The following RASSF6 variants were observed in gnomAD, a reference collection of about 807,000 sequenced individuals.
RASSF6 encodes ras association domain-containing protein 6.
Under a neutral mutation model 44.0 loss-of-function variants are expected in RASSF6, and 52 were observed. The ratio of observed to expected loss-of-function variants is 1.18; its 90% CI spans 0.95 to 1.49. The LOEUF (loss-of-function observed/expected upper bound fraction) is 1.49. Ranked by LOEUF, RASSF6 falls within the 40% of genes most tolerant of loss-of-function variation. The probability of loss-of-function intolerance (pLI) is 0.00; values close to 1 mark genes in which losing one functional copy is unlikely to be tolerated. For synonymous variants in RASSF6, 162 were observed against 124.6 expected, an observed-to-expected ratio of 1.30 and a Z score of -2.00; for missense variants, 464 against 393.3, an observed-to-expected ratio of 1.18 and a Z score of -1.52.
rs146611074 is a variant in RASSF6 at position 73,572,257 on chromosome 4, A to T, written c.*3978T>A. 1 of 152,202 alleles carries T rather than the reference A, an allele frequency of 6.6e-6. No individual in the cohort carries two copies. Among genetic ancestry groups the T allele is most frequent in the Admixed American group, 6.5e-5 (1 of 15,280 alleles). 9.4% of individuals were successfully genotyped at this position (152,202 alleles called of 1,614,324 possible). On this transcript the variant is annotated 3_prime_UTR_variant, in exon 11 of 11. Coordinates refer to ENST00000307439, the MANE Select transcript of RASSF6 (RefSeq NM_177532.5). ...TTTCCAGGGCTGCTCAGGACATGGC[A>T]GTTGACTTCCCCCAGAGCAAGTGGT...
In RASSF6 at chr4:73,587,824, A is replaced by G; in HGVS notation, c.382+16T>C. 1 of 1,539,368 alleles carries G rather than the reference A, an allele frequency of 6.5e-7. No individual in the cohort carries two copies. Among genetic ancestry groups the G allele is most frequent in the Non-Finnish European group, 9.0e-7 (1 of 1,113,752 alleles). ...TAAAAATTAAGTCTCCCAATCAATA[A>G]GATTTTGATACTGACCTTCCTGGGA... On this transcript the variant is annotated intron_variant, in intron 5 of 10. Coordinates refer to ENST00000307439, the MANE Select transcript of RASSF6 (RefSeq NM_177532.5).
chr4:73,576,543 G>A, intron 9 of RASSF6, 36 bp from the exon 10 acceptor site: 2 of 1,551,356 alleles, frequency 1.3e-6, no homozygotes, highest in Non-Finnish European at 1.8e-6. Flanking sequence ...AAAGAAAGCA[G>A]AACAATTATG....
chr4:73,585,789 A>G (rs1201142841), intron 5 of RASSF6, among the ~76,000 whole-genome samples: 2 of 151,970 alleles, frequency 1.3e-5, no homozygotes, highest in African/African-American at 4.8e-5. Flanking sequence ...TAGTACTCAT[A>G]AATGATAGAA....
chr4:73,592,266 TCAAG>T (rs1724613253), intron 4 of RASSF6, among the ~76,000 whole-genome samples: 1 of 152,208 alleles, frequency 6.6e-6, no homozygotes, highest in Non-Finnish European at 1.5e-5. Flanking sequence ...CAGACTTCTG[TCAAG>T]GTGATAATTA....
intron 3 of RASSF6, among the ~76,000 whole-genome samples, chr4:73,597,841 C>T (rs544290120): frequency 2.0e-4 from 31 of 152,126 alleles, no homozygotes; most frequent in Admixed American, 2.6e-4. Flanking sequence ...TAGAGGCCAT[C>T]ATTCTTAGCA....
intron 4 of RASSF6, among the ~76,000 whole-genome samples, chr4:73,593,088 T>C (rs979086323): frequency 6.6e-6 from 1 of 150,750 alleles, no homozygotes; most frequent in Non-Finnish European, 1.5e-5. Flanking sequence ...CAATCTCGGC[T>C]CACTGCAAAC....
At chr4:73,610,764 A>G (rs1204539446) in intron 2 of RASSF6, among the ~76,000 whole-genome samples, 1 of 152,008 alleles carries the variant, frequency 6.6e-6, no homozygotes, top group Non-Finnish European at 1.5e-5. Flanking sequence ...TCTTTACTCC[A>G]TTTCCTCAGC....
Position 73,579,935 on chromosome 4 carries a change from A to G in RASSF6, c.721+1882T>C, listed in dbSNP as rs1415437730. On this transcript the variant is annotated intron_variant, in intron 8 of 10. Coordinates refer to ENST00000307439, the MANE Select transcript of RASSF6 (RefSeq NM_177532.5). The stretch of plus-strand genomic sequence containing the variant: ...TGTGCACAATGTGCAGGTTAGTTAC[A>G]TATCTATACATGTGCCATGCTGGTG... Among the ~76,000 whole-genome samples, 3 of 151,544 alleles carry G rather than the reference A, an allele frequency of 2.0e-5. 1 individual carries two copies. Among genetic ancestry groups the G allele is most frequent in the Non-Finnish European group, 1.5e-5 (1 of 67,894 alleles).
chr4:73,610,615 C>T (rs1405199128), intron 2 of RASSF6, among the ~76,000 whole-genome samples: 1 of 152,178 alleles, frequency 6.6e-6, no homozygotes. Flanking sequence ...TTGCCATTCC[C>T]CTTGCCTGGA....
At chr4:73,591,822 C>A (rs780907125) in intron 4 of RASSF6, among the ~76,000 whole-genome samples, 31 of 152,048 alleles carry the variant, frequency 2.0e-4, no homozygotes, top group Non-Finnish European at 4.1e-4. Flanking sequence ...GTTTGAATCT[C>A]CTCTTTGTGC....
intron 8 of RASSF6, among the ~76,000 whole-genome samples, chr4:73,579,477 G>A (rs116722831): frequency 0.01 from 1,554 of 152,326 alleles, 22 homozygotes; most frequent in African/African-American, 0.036. Flanking sequence ...GCCAATCTGA[G>A]AAGTGCAAGA....
At chr4:73,603,777 G>A (rs1166996644) in intron 2 of RASSF6, among the ~76,000 whole-genome samples, 3 of 152,190 alleles carry the variant, frequency 2.0e-5, no homozygotes, top group African/African-American at 7.2e-5. Flanking sequence ...TGTGGGATAG[G>A]ATTATGGGTG....
rs74701320 is a variant in RASSF6 at position 73,600,568 on chromosome 4, C to G, written c.66-1850G>C. On this transcript the variant is annotated intron_variant, in intron 2 of 10. Coordinates refer to ENST00000307439, the MANE Select transcript of RASSF6 (RefSeq NM_177532.5). Reference sequence around the variant, plus strand: ...AGCAGAAACTTGCTCACAGTAGGCTCTTCTTCAATAAATACTGAATATTGA... The same window carrying G: ...AGCAGAAACTTGCTCACAGTAGGCTGTTCTTCAATAAATACTGAATATTGA... 5.0e-3 allele frequency among the ~76,000 whole-genome samples: 764 copies of G among 152,264 alleles called. 10 individuals are homozygous for G. Among genetic ancestry groups the G allele is most frequent in the African/African-American group, 0.018 (728 of 41,538 alleles).
At chr4:73,578,450 T>C (rs188706932) in intron 8 of RASSF6, among the ~76,000 whole-genome samples, 2 of 152,220 alleles carry the variant, frequency 1.3e-5, no homozygotes, top group African/African-American at 4.8e-5. Flanking sequence ...CAAACATGCA[T>C]GCTATTGTAA....
rs140508244 is a variant in RASSF6, at chr4:73,588,010, A to G, written c.288-76T>C. The G allele has an allele frequency of 7.0e-4, 658 of 937,776 alleles. 2 individuals are homozygous for G. The African/African-American group carries it at 9.9e-3, about 14-fold the overall frequency. The allele number at this position is 937,776 out of a possible 1,614,324, so 58.1% of individuals were successfully genotyped here. A position where few individuals can be genotyped will look rare whatever the true frequency, so the allele number is the denominator to read the frequency against. On this transcript the variant is annotated intron_variant, in intron 4 of 10. Coordinates refer to ENST00000307439, the MANE Select transcript of RASSF6 (RefSeq NM_177532.5). ...CTATGATGGTTTCCAGATTTACAAT[A>G]TTAATATAGTAATACTGTGGGCCTC...
intron 5 of RASSF6, among the ~76,000 whole-genome samples, chr4:73,586,471 T>C (rs16849677): frequency 0.27 from 40,604 of 151,794 alleles, 5,660 homozygotes; most frequent in Admixed American, 0.4. Flanking sequence ...TAGCCTAAGA[T>C]GCAGAAGATT....
chr4:73,600,862 C>T (rs929210748), intron 2 of RASSF6, among the ~76,000 whole-genome samples: 2 of 152,172 alleles, frequency 1.3e-5, no homozygotes, highest in African/African-American at 4.8e-5. Flanking sequence ...GGGTCATTGT[C>T]ATAGGATATT....
intron 2 of RASSF6, among the ~76,000 whole-genome samples, chr4:73,607,126 C>T (rs1725694671): frequency 6.6e-6 from 1 of 152,184 alleles, no homozygotes; most frequent in African/African-American, 2.4e-5. Flanking sequence ...AGAGGATCCT[C>T]CAGACATTCT....
intron 8 of RASSF6, among the ~76,000 whole-genome samples, chr4:73,577,380 T>C (rs1723305564): frequency 6.6e-6 from 1 of 152,216 alleles, no homozygotes; most frequent in Admixed American, 6.5e-5. Flanking sequence ...CTTATAGCTT[T>C]CTGTCAAAGT....
Sources: gnomAD v4.1 joint callset for allele counts (sites outside exome capture counted in the v4.1 genomes callset) on GRCh38, gnomAD v4.1.1 for gene constraint, MANE v1.5 for transcripts, NCBI Gene and HGNC (gene_info 2026-07-23, HGNC 2026-07-21) for gene names.